The following DR1 variants were observed in gnomAD, a reference collection of about 807,000 sequenced individuals.
The protein encoded by DR1 is protein Dr1.
Under a neutral mutation model 19.9 loss-of-function variants are expected in DR1, and 7 were observed. That is an observed-to-expected ratio of 0.35 (90% confidence interval 0.20 to 0.66). DR1 has a LOEUF of 0.66. Ranked by LOEUF, DR1 falls within the 30% of genes least tolerant of loss-of-function variation. The pLI is 0.66. For synonymous variants in DR1, 76 were observed against 72.5 expected, an observed-to-expected ratio of 1.05 and a Z score of -0.24; for missense variants, 98 against 203.7, an observed-to-expected ratio of 0.48 and a Z score of 3.16.
In DR1 at chr1:93,346,993, G is replaced by T. The variant is rs1273691161; in HGVS notation, c.220+128G>T. 5 of 797,118 alleles carry T rather than the reference G, an allele frequency of 6.3e-6. No homozygotes were observed. The East Asian group carries it at 1.1e-4, about 17-fold the overall frequency. The allele number at this position is 797,118 out of a possible 1,614,324, so 49.4% of individuals were successfully genotyped here. On this transcript the variant is annotated intron_variant, in intron 1 of 2. Coordinates refer to ENST00000370272, the MANE Select transcript of DR1 (RefSeq NM_001938.3). ...GTAACTTAATGAAAAAGCCAGACTG[G>T]CATGTAGGCAGCCGGTGCTTTAAAA...
chr1:93,360,435 T>C lies in DR1; in HGVS notation c.385-58T>C, dbSNP rs974318054. 2.1e-6 allele frequency: 3 copies of C among 1,459,294 alleles called. No individual in the cohort carries two copies. The African/African-American group carries it at 4.4e-5, about 21-fold the overall frequency. 90.4% of individuals were successfully genotyped at this position (1,459,294 alleles called of 1,614,324 possible). ...TGGCCTAATCTACATTTAACCAAAG[T>C]GTATATATTGTGGGTTTGTAAAAAA... On this transcript the variant is annotated intron_variant, in intron 2 of 2. Transcript: ENST00000370272.
At position 93,367,432 on chromosome 1, in the gene DR1, G is replaced by A. The variant is rs1181559021; in HGVS notation, c.*6793G>A. 1 of 152,086 alleles carries A rather than the reference G, an allele frequency of 6.6e-6. No individual in the cohort carries two copies. Among genetic ancestry groups the A allele is most frequent in the African/African-American group, 2.4e-5 (1 of 41,404 alleles). The allele number at this position is 152,086 out of a possible 1,614,324, so 9.4% of individuals were successfully genotyped here. ...TTTGTATTCATTCGTTTTTCAACCTGCTTATTTCAGTTCAGTGTCTTGGGT... is the reference window on the plus strand; with the variant it reads ...TTTGTATTCATTCGTTTTTCAACCTACTTATTTCAGTTCAGTGTCTTGGGT... On this transcript the variant is annotated 3_prime_UTR_variant, in exon 3 of 3. Coordinates refer to ENST00000370272, the MANE Select transcript of DR1 (RefSeq NM_001938.3).
rs374998273 is a variant in DR1 at position 93,346,342 on chromosome 1, C to A, written c.-304C>A. The A allele has an allele frequency of 2.9e-5, 12 of 408,750 alleles. No individual in the cohort carries two copies. Among genetic ancestry groups the A allele is most frequent in the African/African-American group, 2.0e-4 (10 of 49,254 alleles). 25.3% of individuals were successfully genotyped at this position (408,750 alleles called of 1,614,324 possible). On this transcript the variant is annotated 5_prime_UTR_variant, in exon 1 of 3. Coordinates refer to ENST00000370272, the MANE Select transcript of DR1 (RefSeq NM_001938.3). The stretch of plus-strand genomic sequence containing the variant: ...CAGCGCCCGCCCCTCTGAGGAGACA[C>A]GAAGGTGGTTCCCCAGCCGCTCAAA...
rs1460761773 is a variant in DR1 at position 93,361,952 on chromosome 1, CAG to C, written c.*1315_*1316del. 1 of 152,366 alleles carries C rather than the reference CAG, an allele frequency of 6.6e-6. No homozygotes were observed. The highest frequency in any genetic ancestry group is 2.4e-5 in the African/African-American group (1 of 41,402). The allele number at this position is 152,366 out of a possible 1,614,324, so 9.4% of individuals were successfully genotyped here. On this transcript the variant is annotated 3_prime_UTR_variant, in exon 3 of 3. Coordinates refer to ENST00000370272, the MANE Select transcript of DR1 (RefSeq NM_001938.3). ...TGGCATAATGTCTATATTTTGGAAACAGAAAGGAAAAGTCACTTAAGATAGTA... is the reference window on the plus strand; with the variant it reads ...TGGCATAATGTCTATATTTTGGAAACAAAGGAAAAGTCACTTAAGATAGTA...
intron 1 of DR1, 39 bp downstream of exon 1, chr1:93,346,904 G>C: frequency 6.5e-7 from 1 of 1,538,622 alleles, no homozygotes; most frequent in Non-Finnish European, 8.9e-7. Context: ...TGAGGTTCTA[G>C]GGTAGCAGTC....
Position 93,346,577 on chromosome 1 carries a change from T to A in DR1, c.-69T>A. The A allele has an allele frequency of 5.2e-6, 7 of 1,358,296 alleles. No individual in the cohort carries two copies. The highest frequency in any genetic ancestry group is 7.2e-6 in the Non-Finnish European group (7 of 966,368). The allele number at this position is 1,358,296 out of a possible 1,614,324, so 84.1% of individuals were successfully genotyped here. ...TCTCCGAGGGCGACTTTTTGAGAAATCTCGGTGGAGTAGTGGACCAGAGCT... is the reference window on the plus strand; with the variant it reads ...TCTCCGAGGGCGACTTTTTGAGAAAACTCGGTGGAGTAGTGGACCAGAGCT... On this transcript the variant is annotated 5_prime_UTR_variant, in exon 1 of 3. Transcript: ENST00000370272.
rs1170886657 is a variant in DR1, at chr1:93,357,148, T to A, written c.384+3077T>A. ...ATTTCTTTACAAAAATGGATGACAGTCATTATTAGGGAGAATGGATGGTTT... is the reference window on the plus strand; with the variant it reads ...ATTTCTTTACAAAAATGGATGACAGACATTATTAGGGAGAATGGATGGTTT... On this transcript the variant is annotated intron_variant, in intron 2 of 2. Transcript: ENST00000370272. Among the ~76,000 whole-genome samples the A allele has an allele frequency of 1.4e-4, 22 of 152,218 alleles. 1 individual carries two copies. Among genetic ancestry groups the A allele is most frequent in the Non-Finnish European group, 3.1e-4 (21 of 68,038 alleles).
intron 2 of DR1, among the ~76,000 whole-genome samples, chr1:93,357,722 A>G (rs902369489): frequency 6.6e-6 from 1 of 151,936 alleles, no homozygotes; most frequent in African/African-American, 2.4e-5. Context: ...TTAGTCTCTG[A>G]TACTATGGTT....
At chr1:93,358,722 C>T (rs560642402) in intron 2 of DR1, among the ~76,000 whole-genome samples, 1 of 152,316 alleles carries the variant, frequency 6.6e-6, no homozygotes, top group South Asian at 2.1e-4. Context: ...GTAGCTGCTA[C>T]TTTCATGACA....
chr1:93,346,151 T>C lies in DR1; in HGVS notation c.-495T>C. The C allele has an allele frequency of 4.4e-6, 1 of 226,642 alleles. No homozygotes were observed. Among genetic ancestry groups the C allele is most frequent in the Non-Finnish European group, 8.7e-6 (1 of 115,398 alleles). 14.0% of individuals were successfully genotyped at this position (226,642 alleles called of 1,614,324 possible). On this transcript the variant is annotated 5_prime_UTR_variant, in exon 1 of 3. It removes an upstream start codon present in the reference 5' UTR. Coordinates refer to ENST00000370272, the MANE Select transcript of DR1 (RefSeq NM_001938.3). The stretch of plus-strand genomic sequence containing the variant: ...GGCGGCGGCGCGGGTGTCTGAAGGA[T>C]GGTTTGGCCGAGGCGGCGGCAACGG...
At position 93,349,739 on chromosome 1, in the gene DR1, C is replaced by G. The variant is rs182250166; in HGVS notation, c.220+2874C>G. Among the ~76,000 whole-genome samples, 311 of 152,164 alleles carry G rather than the reference C, an allele frequency of 2.0e-3. 1 individual carries two copies. Among genetic ancestry groups the G allele is most frequent in the African/African-American group, 6.9e-3 (287 of 41,526 alleles). ...GAAGGAATTTTTAAAAAATTCCTGT[C>G]CTTCTCACACTAGTAGCTTTGTAAG... On this transcript the variant is annotated intron_variant, in intron 1 of 2. Coordinates refer to ENST00000370272, the MANE Select transcript of DR1 (RefSeq NM_001938.3).
At chr1:93,357,333 C>T (rs1667001014) in intron 2 of DR1, among the ~76,000 whole-genome samples, 1 of 152,042 alleles carries the variant, frequency 6.6e-6, no homozygotes, top group South Asian at 2.1e-4. Context: ...ACCCTTTCAT[C>T]TTTTGCTATA....
chr1:93,351,548 G>T (rs891051771), intron 1 of DR1, among the ~76,000 whole-genome samples: 1 of 147,788 alleles, frequency 6.8e-6, no homozygotes, highest in African/African-American at 2.5e-5. Flanking sequence ...CAATTCTCAT[G>T]CCTTAGCCTC....
chr1:93,360,834 T>G lies in DR1; in HGVS notation c.*195T>G, dbSNP rs1667043202. 1 of 594,380 alleles carries G rather than the reference T, an allele frequency of 1.7e-6. No individual in the cohort carries two copies. The highest frequency in any genetic ancestry group is 2.7e-6 in the Non-Finnish European group (1 of 367,132). 36.8% of individuals were successfully genotyped at this position (594,380 alleles called of 1,614,324 possible). ...ACTGTCTCTTTGAACTATTGAAAAT[T>G]TAAGGTTCAGTATAATATCAATTTT... On this transcript the variant is annotated 3_prime_UTR_variant, in exon 3 of 3. Coordinates refer to ENST00000370272, the MANE Select transcript of DR1 (RefSeq NM_001938.3).
In DR1 at chr1:93,346,551, C is replaced by A; in HGVS notation, c.-95C>A. 9.5e-7 allele frequency: 1 copy of A among 1,057,488 alleles called. No individual in the cohort carries two copies. 65.5% of individuals were successfully genotyped at this position (1,057,488 alleles called of 1,614,324 possible). ...CTTCGCAAAGCACCCCCCGGGATCACTCTCCGAGGGCGACTTTTTGAGAAA... is the reference window on the plus strand; with the variant it reads ...CTTCGCAAAGCACCCCCCGGGATCAATCTCCGAGGGCGACTTTTTGAGAAA... On this transcript the variant is annotated 5_prime_UTR_variant, in exon 1 of 3. Coordinates refer to ENST00000370272, the MANE Select transcript of DR1 (RefSeq NM_001938.3).
intron 1 of DR1, among the ~76,000 whole-genome samples, chr1:93,348,421 T>C (rs1226846290): frequency 7.9e-5 from 12 of 152,156 alleles, no homozygotes; most frequent in Admixed American, 7.9e-4. Flanking sequence ...GCCTTTCTAA[T>C]GAAAATTGCA....
In DR1 at chr1:93,346,644, C is replaced by G; in HGVS notation, c.-2C>G. On this transcript the variant is annotated 5_prime_UTR_variant, in exon 1 of 3. Coordinates refer to ENST00000370272, the MANE Select transcript of DR1 (RefSeq NM_001938.3). ...CCGGGGCGCGAGAAACAGGAAGGTA[C>G]TATGGCTTCCTCGTCTGGCAACGAT... is the stretch of plus-strand genomic sequence containing the variant. 1 of 1,612,958 alleles carries G rather than the reference C, an allele frequency of 6.2e-7. No homozygotes were observed. The highest frequency in any genetic ancestry group is 8.5e-7 in the Non-Finnish European group (1 of 1,179,244).
chr1:93,346,393 C>T lies in DR1; in HGVS notation c.-253C>T, dbSNP rs978567960. 1.6e-5 allele frequency: 8 copies of T among 503,298 alleles called. No homozygotes were observed. Among genetic ancestry groups the T allele is most frequent in the African/African-American group, 1.5e-4 (8 of 51,972 alleles). 31.2% of individuals were successfully genotyped at this position (503,298 alleles called of 1,614,324 possible). ...TTTCCGGACCACCGCGCTTTCCCCT[C>T]CTCAGCCTGGGCTGTGCTCTCTCTA... On this transcript the variant is annotated 5_prime_UTR_variant, in exon 1 of 3. Coordinates refer to ENST00000370272, the MANE Select transcript of DR1 (RefSeq NM_001938.3).
intron 2 of DR1, chr1:93,355,218 T>C (rs1288522433): frequency 6.6e-6 from 1 of 152,184 alleles, no homozygotes; most frequent in Non-Finnish European, 1.5e-5. Flanking sequence ...AATATAAATT[T>C]TATTGTATTC....
Sources: allele counts gnomAD v4.1 joint callset (sites outside exome capture counted in the v4.1 genomes callset), GRCh38; gene constraint gnomAD v4.1.1; transcripts MANE v1.5; gene names NCBI Gene and HGNC (gene_info 2026-07-23, HGNC 2026-07-21).